The following DGKH variants were observed in gnomAD, a reference collection of about 807,000 sequenced individuals.
The protein encoded by DGKH is diacylglycerol kinase eta.
In DGKH, 90 loss-of-function variants were observed where a neutral mutation model predicts 159.3. That is an observed-to-expected ratio of 0.57 (90% CI 0.48 to 0.67). The LOEUF (loss-of-function observed/expected upper bound fraction) is 0.67. DGKH is among the 30% of genes least tolerant of loss of function. The pLI, the probability that DGKH is intolerant of heterozygous loss-of-function variation, is 0.00. For missense variants in DGKH, 1,181 were observed against 1,506.1 expected (o/e 0.78, Z 3.57); for synonymous variants, 536 against 553.8 (o/e 0.97, Z 0.45).
chr13:42,078,909 C>CCTT (rs1287416145), intron 1 of DGKH, among the ~76,000 whole-genome samples: 3 of 93,576 alleles, frequency 3.2e-5, no homozygotes, highest in African/African-American at 1.5e-4. Flanking sequence ...GTATATTCTC[C>CCTT]TTTTTTTTTT....
chr13:42,207,062 C>CCTTCTTTCTTTCT (rs1957507703), intron 21 of DGKH, among the ~76,000 whole-genome samples: 5 of 65,378 alleles, frequency 7.6e-5, no homozygotes, highest in African/African-American at 3.6e-4. Context: ...TCTTTCCTTC[C>CCTTCTTTCTTTCT]TTCTTTCTTT....
chr13:42,143,628 GA>G (rs1191856437), intron 3 of DGKH, among the ~76,000 whole-genome samples: 1 of 152,126 alleles, frequency 6.6e-6, no homozygotes, highest in Non-Finnish European at 1.5e-5. Flanking sequence ...TTCGTCTTGG[GA>G]GGGTGTATGT....
downstream of DGKH, among the ~76,000 whole-genome samples, chr13:42,245,730 C>T (rs1411388423): frequency 1.3e-5 from 2 of 152,064 alleles, no homozygotes; most frequent in Non-Finnish European, 2.9e-5. Flanking sequence ...GGACTACAGG[C>T]ACGCGCCAAC....
intron 16 of DGKH, among the ~76,000 whole-genome samples, chr13:42,194,624 C>A (rs1957159415): frequency 6.6e-6 from 1 of 152,146 alleles, no homozygotes; most frequent in Admixed American, 6.5e-5. Context: ...GTGCATTGAT[C>A]ATATTCAAAT....
chr13:42,171,158 C>T (rs12429782), intron 11 of DGKH, among the ~76,000 whole-genome samples: 19,011 of 152,194 alleles, frequency 0.12, 1,676 homozygotes, highest in East Asian at 0.42. Context: ...TGCTTTACTT[C>T]GTGTATCATC....
At chr13:42,197,727 A>G (rs1957236001) in intron 17 of DGKH, among the ~76,000 whole-genome samples, 1 of 152,128 alleles carries the variant, frequency 6.6e-6, no homozygotes, top group Non-Finnish European at 1.5e-5. Context: ...AAATAAAATA[A>G]AAAGAAAGAA....
chr13:42,247,328 T>C (rs1958589639), downstream of DGKH, among the ~76,000 whole-genome samples: 1 of 151,456 alleles, frequency 6.6e-6, no homozygotes, highest in Non-Finnish European at 1.5e-5. Context: ...CCTCCTGGGT[T>C]CAAGCAATCC....
At chr13:42,172,161 C>G (rs928916473) in intron 11 of DGKH, among the ~76,000 whole-genome samples, 19 of 151,450 alleles carry the variant, frequency 1.3e-4, no homozygotes, top group African/African-American at 3.9e-4. Flanking sequence ...GCTCTGTCAC[C>G]AGGCTGGAGT....
chr13:42,126,825 T>C (rs1307026730), intron 1 of DGKH, among the ~76,000 whole-genome samples: 1 of 152,212 alleles, frequency 6.6e-6, no homozygotes, highest in Non-Finnish European at 1.5e-5. Flanking sequence ...TGACTCCCTC[T>C]GAGGCGAGTT....
intron 13 of DGKH, among the ~76,000 whole-genome samples, chr13:42,179,069 C>A (rs1956678613): frequency 6.6e-6 from 1 of 152,226 alleles, no homozygotes; most frequent in Middle Eastern, 3.4e-3. Context: ...GAAAAAAGTA[C>A]AAATGTAGTA....
At chr13:42,206,975 T>TTTCTTTC (rs1555275938) in intron 21 of DGKH, among the ~76,000 whole-genome samples, 2 of 82,312 alleles carry the variant, frequency 2.4e-5, no homozygotes, top group African/African-American at 1.0e-4. Context: ...TACTTTTACT[T>TTTCTTTC]TTTCTTTCTT....
chr13:42,186,993 T>G, intron 13 of DGKH, 56 bp from the exon 14 acceptor site: 1 of 1,456,602 alleles, frequency 6.9e-7, no homozygotes, highest in Non-Finnish European at 9.6e-7. Flanking sequence ...TATTCATAAA[T>G]CAAGGCAAAT....
intron 21 of DGKH, among the ~76,000 whole-genome samples, chr13:42,206,647 T>C (rs1004802665): frequency 1.1e-4 from 16 of 151,776 alleles, no homozygotes; most frequent in Non-Finnish European, 2.9e-5. Context: ...GACTCTTATT[T>C]CCCTGTCTTT....
chr13:42,092,203 A>C (rs1358615841), intron 1 of DGKH, among the ~76,000 whole-genome samples: 2 of 152,210 alleles, frequency 1.3e-5, no homozygotes, highest in Non-Finnish European at 2.9e-5. Flanking sequence ...CAAACTAAAA[A>C]TAGATCTACT....
At chr13:42,046,800 A>C (rs1454890947), upstream of DGKH, among the ~76,000 whole-genome samples, 1 of 152,232 alleles carries the variant, frequency 6.6e-6, no homozygotes, top group Non-Finnish European at 1.5e-5. Context: ...AGTGAATAGA[A>C]CATTAGAATA....
At chr13:42,166,075 A>G (rs1956307051) in intron 8 of DGKH, among the ~76,000 whole-genome samples, 1 of 152,164 alleles carries the variant, frequency 6.6e-6, no homozygotes, top group African/African-American at 2.4e-5. Context: ...CTGTACTATT[A>G]TTAATGTCTT....
At chr13:42,069,704 C>T (rs1231494932) in intron 1 of DGKH, 3 of 1,137,456 alleles carry the variant, frequency 2.6e-6, no homozygotes, top group Non-Finnish European at 2.5e-6. Context: ...TAACAGTTAA[C>T]TTCATTCTCT....
chr13:42,130,447 G>C (rs547703591), intron 3 of DGKH, among the ~76,000 whole-genome samples: 1 of 152,314 alleles, frequency 6.6e-6, no homozygotes, highest in South Asian at 2.1e-4. Flanking sequence ...AGGTGAATGT[G>C]TATGTATATA....
At chr13:42,084,685 G>A (rs953548230) in intron 1 of DGKH, among the ~76,000 whole-genome samples, 1 of 151,496 alleles carries the variant, frequency 6.6e-6, no homozygotes, top group Admixed American at 6.6e-5. Context: ...TTCTTTATAG[G>A]TTGCTACAGC....
Sources: allele counts gnomAD v4.1 joint callset (sites outside exome capture counted in the v4.1 genomes callset), GRCh38; gene constraint gnomAD v4.1.1; transcripts MANE v1.5; gene names NCBI Gene and HGNC (gene_info 2026-07-23, HGNC 2026-07-21).